FMN1: variants seen among roughly 807,000 people sequenced by gnomAD.
The protein encoded by FMN1 is formin-1.
Under a neutral mutation model 132.4 loss-of-function variants are expected in FMN1, and 110 were observed. That is an observed-to-expected ratio of 0.83 (90% CI 0.71 to 0.97). The LOEUF is 0.97. Among genes scored for constraint, FMN1 ranks in the 50% least tolerant of loss-of-function variants. FMN1 has a pLI of 0.00. For synonymous variants in FMN1, 722 were observed against 651.7 expected (o/e 1.11, Z -1.64); for missense variants, 1,792 against 1,705.3 (o/e 1.05, Z -0.90).
chr15:33,178,227 G>A (rs1965580254), intron 3 of FMN1, among the ~76,000 whole-genome samples: 1 of 152,088 alleles, frequency 6.6e-6, no homozygotes, highest in African/African-American at 2.4e-5. Flanking sequence ...GCTTAAATGA[G>A]ACCCAGGACA....
intron 4 of FMN1, among the ~76,000 whole-genome samples, chr15:33,120,623 T>TG (rs1962461983): frequency 6.6e-6 from 1 of 150,790 alleles, no homozygotes; most frequent in African/African-American, 2.4e-5. Flanking sequence ...TTCGGCAGCT[T>TG]TTGTTGTCTT....
In FMN1 at chr15:32,773,294, T is replaced by C. The variant is rs1460689161; in HGVS notation, c.*1016A>G. On this transcript the variant is annotated 3_prime_UTR_variant, in exon 21 of 21. Transcript: ENST00000616417. ...TGCTTCATCCTACTTCACATGCCTATCAGCCAAGGTCATGAGCAGGTGCTG... is the reference window on the plus strand; with the variant it reads ...TGCTTCATCCTACTTCACATGCCTACCAGCCAAGGTCATGAGCAGGTGCTG... 2.0e-5 allele frequency: 3 copies of C among 152,164 alleles called. No individual in the cohort carries two copies. Among genetic ancestry groups the C allele is most frequent in the African/African-American group, 2.4e-5 (1 of 41,428 alleles). 9.4% of individuals were successfully genotyped at this position (152,164 alleles called of 1,614,324 possible). A position where few individuals can be genotyped will look rare whatever the true frequency, so the allele number is the denominator to read the frequency against.
At chr15:33,003,486 CAAGGAATGTG>C (rs2034232167) in intron 7 of FMN1, among the ~76,000 whole-genome samples, 1 of 152,158 alleles carries the variant, frequency 6.6e-6, no homozygotes, top group Non-Finnish European at 1.5e-5. Flanking sequence ...ATCCAACTTA[CAAGGAATGTG>C]AAGGACCTCT....
At chr15:32,805,740 A>G (rs1002238558) in intron 17 of FMN1, among the ~76,000 whole-genome samples, 1 of 152,190 alleles carries the variant, frequency 6.6e-6, no homozygotes, top group South Asian at 2.1e-4. Context: ...CCCTTACTCT[A>G]AACATTATAA....
At chr15:33,019,028 C>G (rs548471970) in intron 6 of FMN1, among the ~76,000 whole-genome samples, 5 of 152,160 alleles carry the variant, frequency 3.3e-5, no homozygotes, top group Non-Finnish European at 5.9e-5. Context: ...TTCCACCATG[C>G]GGAAGAGGAC....
In FMN1 at chr15:33,157,908, T is replaced by C. The variant is rs140455150; in HGVS notation, c.-131-2863A>G. On this transcript the variant is annotated intron_variant, in intron 3 of 20. Transcript: ENST00000616417. ...GTGAGGCTGAGGCAAGGGGATTGCC[T>C]GGGAGGTTGAAGCTGCAGTGGACTG... Among the ~76,000 whole-genome samples, 888 of 150,266 alleles carry C rather than the reference T, an allele frequency of 5.9e-3. 5 individuals are homozygous for C. Among genetic ancestry groups the C allele is most frequent in the Non-Finnish European group, 7.8e-3 (527 of 67,824 alleles).
At chr15:33,100,800 A>G (rs1282671541) in intron 4 of FMN1, among the ~76,000 whole-genome samples, 1 of 152,204 alleles carries the variant, frequency 6.6e-6, no homozygotes, top group African/African-American at 2.4e-5. Flanking sequence ...GGTATCCACC[A>G]AAATATAATC....
intron 4 of FMN1, among the ~76,000 whole-genome samples, chr15:33,110,905 A>T (rs929699701): frequency 1.3e-5 from 2 of 151,880 alleles, no homozygotes; most frequent in Admixed American, 1.3e-4. Flanking sequence ...AACCTTAAAG[A>T]AGTTCTAAAA....
At chr15:32,802,653 C>T (rs1182777607) in intron 18 of FMN1, among the ~76,000 whole-genome samples, 2 of 152,210 alleles carry the variant, frequency 1.3e-5, no homozygotes, top group East Asian at 1.9e-4. Flanking sequence ...GCAGCAGTTT[C>T]GGCCCCTCCA....
intron 4 of FMN1, among the ~76,000 whole-genome samples, chr15:33,099,399 T>C (rs368486287): frequency 2.6e-5 from 4 of 152,248 alleles, no homozygotes; most frequent in African/African-American, 7.2e-5. Context: ...CTTCTAGCAC[T>C]TCTGTATGTA....
rs1024684004 is a variant in FMN1 at position 33,007,911 on chromosome 15, G to C, written c.2223+103C>G. The C allele has an allele frequency of 2.1e-5, 20 of 945,178 alleles. No individual in the cohort carries two copies. The African/African-American group carries it at 3.3e-4, about 16-fold the overall frequency. The allele number at this position is 945,178 out of a possible 1,614,324, so 58.5% of individuals were successfully genotyped here. ...ACTGGCAGCTGCAAGATGCGATGCT[G>C]TCTAGTTTAACACTTCAACTTAAGA... On this transcript the variant is annotated intron_variant, in intron 7 of 20. Coordinates refer to ENST00000616417, the MANE Select transcript of FMN1 (RefSeq NM_001277313.2).
At chr15:33,109,840 T>TA (rs66923699) in intron 4 of FMN1, among the ~76,000 whole-genome samples, 2,650 of 146,528 alleles carry the variant, frequency 0.018, 54 homozygotes, top group African/African-American at 0.045. Context: ...AAATGAAAGT[T>TA]AAAAAAAAAA....
intron 16 of FMN1, among the ~76,000 whole-genome samples, chr15:32,858,690 T>C (rs1395165129): frequency 1.3e-5 from 2 of 152,260 alleles, no homozygotes; most frequent in African/African-American, 4.8e-5. Context: ...ACTTATCTTA[T>C]TGAAAAAATA....
chr15:33,141,814 T>C (rs1026426678), intron 4 of FMN1, among the ~76,000 whole-genome samples: 10 of 151,088 alleles, frequency 6.6e-5, no homozygotes, highest in Admixed American at 5.3e-4. Flanking sequence ...AACCTCAAAA[T>C]GGCAGAGGTA....
At chr15:32,873,632 G>C (rs1472369054) in intron 16 of FMN1, among the ~76,000 whole-genome samples, 1 of 152,156 alleles carries the variant, frequency 6.6e-6, no homozygotes, top group African/African-American at 2.4e-5. Context: ...AAGGATGGGG[G>C]ACTGCTAGAG....
intron 6 of FMN1, among the ~76,000 whole-genome samples, chr15:33,038,317 C>T (rs928289640): frequency 6.6e-6 from 1 of 152,200 alleles, no homozygotes; most frequent in African/African-American, 2.4e-5. Context: ...ATTTGCCGCC[C>T]TGCATCTTCT....
chr15:32,809,097 G>A (rs771258564), intron 17 of FMN1, among the ~76,000 whole-genome samples: 2 of 152,056 alleles, frequency 1.3e-5, no homozygotes, highest in Admixed American at 1.3e-4. Flanking sequence ...GGAGTCATGG[G>A]GGTGGATGTG....
chr15:32,860,130 CAA>C (rs1261288227), intron 16 of FMN1, among the ~76,000 whole-genome samples: 3 of 117,466 alleles, frequency 2.6e-5, no homozygotes, highest in Non-Finnish European at 5.2e-5. Context: ...AAGAGAGAGA[CAA>C]AGAGAGAAAG....
chr15:33,041,741 C>G (rs343898), intron 6 of FMN1, among the ~76,000 whole-genome samples: 54,622 of 151,626 alleles, frequency 0.36, 10,411 homozygotes, highest in Admixed American at 0.47. Context: ...AAATTAGAAC[C>G]CTTGTGCATG....
Sources: gnomAD v4.1 joint callset for allele counts (sites outside exome capture counted in the v4.1 genomes callset) on GRCh38, gnomAD v4.1.1 for gene constraint, MANE v1.5 for transcripts, NCBI Gene and HGNC (gene_info 2026-07-23, HGNC 2026-07-21) for gene names.